Variants in UGT2B10 observed in about 807,000 individuals in gnomAD.
The protein encoded by UGT2B10 is UDP glucuronosyltransferase family 2 member B10, also known as UDP-glucuronosyltransferase 2B10.
Under a neutral mutation model 43.7 loss-of-function variants are expected in UGT2B10, and 51 were observed. The observed-to-expected ratio is 1.17, with a 90% CI of 0.93 to 1.47. The LOEUF (loss-of-function observed/expected upper bound fraction) is 1.47, where lower values mean the gene tolerates loss of function less well. Among genes scored for constraint, UGT2B10 ranks in the 40% most tolerant of loss-of-function variants. The pLI is 0.00. For missense variants in UGT2B10, 696 were observed against 617.7 expected (o/e 1.13, Z -1.34); for synonymous variants, 225 against 209.0 (o/e 1.08, Z -0.66).
chr4:68,830,937 C>T lies in UGT2B10; in HGVS notation c.*58C>T, dbSNP rs969307804. 46 of 1,544,740 alleles carry T rather than the reference C, an allele frequency of 3.0e-5. No homozygotes were observed. In the African/African-American group the frequency reaches 6.1e-4, roughly 20 times the overall value. On this transcript the variant is annotated 3_prime_UTR_variant, in exon 6 of 6. Transcript: ENST00000265403. ...TAGATAGGAATACTTCAGTTGATTC[C>T]AGCAATAAATATTGTGATGCAAGAT...
In UGT2B10 at chr4:68,827,636, A is replaced by T. The variant is rs1279048288; in HGVS notation, c.1307+88A>T. 5.8e-6 allele frequency: 9 copies of T among 1,545,792 alleles called. No homozygotes were observed. The African/African-American group carries it at 1.2e-4, about 21-fold the overall frequency. On this transcript the variant is annotated intron_variant, in intron 5 of 5. Transcript: ENST00000265403. ...GCATGAGTTTCATCCTTTTTATAAG[A>T]GAGTGATTTTGAAAGAATTTAAATG... is the stretch of plus-strand genomic sequence containing the variant.
At position 68,830,736 on chromosome 4, in the gene UGT2B10, C is replaced by G. The variant is rs1189831943; in HGVS notation, c.1444C>G (p.Leu482Val). The stretch of plus-strand genomic sequence containing the variant: ...ACATCTTCGAGTTGCAGCCCACAAC[C>G]TCACCTGGTTCCAGTACCACTCTTT... Reference protein sequence around the residue: ...AKHLRVAAHNLTWFQYHSLDV... With the variant: ...AKHLRVAAHNVTWFQYHSLDV... Residue 482 changes from leucine to valine, a missense_variant, in exon 6 of 6, where the codon CTC becomes GTC. Coordinates refer to ENST00000265403, the MANE Select transcript of UGT2B10 (RefSeq NM_001075.6). The G allele has an allele frequency of 6.2e-7, 1 of 1,613,492 alleles. No homozygotes were observed. The highest frequency in any genetic ancestry group is 8.5e-7 in the Non-Finnish European group (1 of 1,179,562).
Position 68,830,600 on chromosome 4 carries a change from A to C in UGT2B10, c.1308A>C (p.Ser436=). The C allele has an allele frequency of 6.2e-7, 1 of 1,610,754 alleles. No individual in the cohort carries two copies. Among genetic ancestry groups the C allele is most frequent in the African/African-American group, 1.3e-5 (1 of 74,782 alleles). The part of the protein sequence containing the change: ...NALKTVINDP[S]YKENIMKLSR... Reference sequence around the variant, plus strand: ...CGGTATCTTTATTTTTATCCTTCAGATATAAAGAGAATATTATGAAATTAT... The same window carrying C: ...CGGTATCTTTATTTTTATCCTTCAGCTATAAAGAGAATATTATGAAATTAT... The change falls in exon 6 of 6, where the codon TCA becomes TCC. Residue 436 remains serine (S), a splice_region_variant and synonymous_variant. Transcript: ENST00000265403.
At position 68,820,276 on chromosome 4, in the gene UGT2B10, T is replaced by C. The variant is rs541448154; in HGVS notation, c.868-1995T>C. On this transcript the variant is annotated intron_variant, in intron 2 of 5. Coordinates refer to ENST00000265403, the MANE Select transcript of UGT2B10 (RefSeq NM_001075.6). Reference sequence around the variant, plus strand: ...AAACCAGTTCTTTAATTGTTTATTATGTAAAATATTTGCTAAGCCAGGTTG... The same window carrying C: ...AAACCAGTTCTTTAATTGTTTATTACGTAAAATATTTGCTAAGCCAGGTTG... Among the ~76,000 whole-genome samples the C allele has an allele frequency of 9.9e-5, 15 of 152,222 alleles. 2 individuals are homozygous for C. The highest frequency in any genetic ancestry group is 8.5e-4 in the Admixed American group (13 of 15,254).
At position 68,831,068 on chromosome 4, in the gene UGT2B10, T is replaced by G; in HGVS notation, c.*189T>G. On this transcript the variant is annotated 3_prime_UTR_variant, in exon 6 of 6. Transcript: ENST00000265403. ...CCAGTTAATGGTTAGAAATATTCTGTGGCAATGAAGAAAACACTAGGGGAA... is the reference window on the plus strand; with the variant it reads ...CCAGTTAATGGTTAGAAATATTCTGGGGCAATGAAGAAAACACTAGGGGAA... The G allele has an allele frequency of 1.4e-6, 1 of 730,814 alleles. No homozygotes were observed. Among genetic ancestry groups the G allele is most frequent in the South Asian group, 2.2e-5 (1 of 45,538 alleles). The allele number at this position is 730,814 out of a possible 1,614,324, so 45.3% of individuals were successfully genotyped here. A position where few individuals can be genotyped will look rare whatever the true frequency, so the allele number is the denominator to read the frequency against.
chr4:68,830,616 A>G lies in UGT2B10; in HGVS notation c.1324A>G (p.Met442Val), dbSNP rs1471412185. ...INDPSYKENIMKLSRIQHDQP... is the reference protein window; with the variant it reads ...INDPSYKENIVKLSRIQHDQP... ...ATCCTTCAGATATAAAGAGAATATT[A>G]TGAAATTATCAAGAATTCAACATGA... The change falls in exon 6 of 6, where the codon ATG (methionine) becomes GTG (valine). Residue 442 changes from methionine (M) to valine (V), a missense_variant. By Grantham distance (21) the Met-to-Val change is conservative (BLOSUM62 1). Transcript: ENST00000265403. The G allele has an allele frequency of 3.7e-6, 6 of 1,612,332 alleles. No individual in the cohort carries two copies. The Admixed American group carries it at 6.7e-5, about 18-fold the overall frequency.
Position 68,832,018 on chromosome 4 carries a change from A to G in UGT2B10, c.*1139A>G, listed in dbSNP as rs2109710735. Reference sequence around the variant, plus strand: ...TTATCCTTAATAAAGTCTCTATACTAAAGAAGAATCTAATGAAAAATATCA... The same window carrying G: ...TTATCCTTAATAAAGTCTCTATACTGAAGAAGAATCTAATGAAAAATATCA... On this transcript the variant is annotated 3_prime_UTR_variant, in exon 6 of 6. Transcript: ENST00000265403. Among the ~76,000 whole-genome samples, 1 of 152,216 alleles carries G rather than the reference A, an allele frequency of 6.6e-6. No homozygotes were observed. Among genetic ancestry groups the G allele is most frequent in the Admixed American group, 6.6e-5 (1 of 15,260 alleles).
chr4:68,824,125 A>G (rs923407779), intron 3 of UGT2B10, among the ~76,000 whole-genome samples: 8 of 152,238 alleles, frequency 5.3e-5, no homozygotes, highest in African/African-American at 1.9e-4. Context: ...CCAGCCTCAG[A>G]TACTTCCTCT....
chr4:68,829,384 A>G (rs1737967734), intron 5 of UGT2B10, among the ~76,000 whole-genome samples: 2 of 152,104 alleles, frequency 1.3e-5, no homozygotes, highest in Admixed American at 6.6e-5. Context: ...CTGTACCATG[A>G]ACTGAACAAT....
At chr4:68,821,721 A>G in intron 2 of UGT2B10, among the ~76,000 whole-genome samples, 1 of 152,266 alleles carries the variant, frequency 6.6e-6, no homozygotes, top group East Asian at 1.9e-4. Flanking sequence ...AAGTGAAGCA[A>G]AAAGCATTGT....
chr4:68,822,186 C>T (rs1437138984), intron 2 of UGT2B10, 85 bp from the exon 3 acceptor site: 1 of 1,550,962 alleles, frequency 6.4e-7, no homozygotes, highest in Non-Finnish European at 8.7e-7. Flanking sequence ...GATTTTCTCT[C>T]TTTAATATTT....
chr4:68,821,478 A>G (rs539845889), intron 2 of UGT2B10, among the ~76,000 whole-genome samples: 1 of 152,152 alleles, frequency 6.6e-6, no homozygotes, highest in African/African-American at 2.4e-5. Context: ...TCAATTTAAC[A>G]GTGTGATTTC....
chr4:68,820,817 A>G (rs546403157), intron 2 of UGT2B10, among the ~76,000 whole-genome samples: 1 of 152,086 alleles, frequency 6.6e-6, no homozygotes, highest in South Asian at 2.1e-4. Flanking sequence ...TTTTTAAAAA[A>G]CTTTTCTTAC....
intron 2 of UGT2B10, 55 bp from the exon 3 acceptor site, chr4:68,822,216 G>A: frequency 6.3e-7 from 1 of 1,585,906 alleles, no homozygotes; most frequent in Non-Finnish European, 8.5e-7. Flanking sequence ...TCTTTCGGTA[G>A]TGCCTGCTGT....
intron 5 of UGT2B10, among the ~76,000 whole-genome samples, chr4:68,829,095 T>C (rs1430043717): frequency 2.0e-5 from 3 of 151,958 alleles, no homozygotes; most frequent in African/African-American, 7.2e-5. Context: ...TTATCAACAG[T>C]GTCCAAAAAG....
intron 2 of UGT2B10, among the ~76,000 whole-genome samples, chr4:68,822,047 T>C (rs1320572587): frequency 3.9e-5 from 6 of 152,094 alleles, no homozygotes; most frequent in Non-Finnish European, 8.8e-5. Flanking sequence ...GACACATACC[T>C]ACATACACAC....
At chr4:68,820,948 A>G (rs1397804962) in intron 2 of UGT2B10, among the ~76,000 whole-genome samples, 2 of 152,146 alleles carry the variant, frequency 1.3e-5, no homozygotes, top group Admixed American at 6.6e-5. Context: ...TCAACACTGC[A>G]TAGAAAAACA....
intron 5 of UGT2B10, among the ~76,000 whole-genome samples, chr4:68,827,896 C>T (rs965266194): frequency 2.6e-5 from 4 of 151,246 alleles, no homozygotes; most frequent in Admixed American, 2.0e-4. Flanking sequence ...AATTAAATAT[C>T]TAAAATGTCT....
Position 68,816,072 on chromosome 4 carries a change from G to C in UGT2B10, c.53G>C (p.Ser18Thr). ...VLLIQLSFYFSSGSCGKVLVW... is the reference protein window; with the variant it reads ...VLLIQLSFYFTSGSCGKVLVW... ...CTGATACAACTCAGTTTTTACTTTAGCTCTGGGAGTTGTGGAAAGGTGCTG... is the reference window on the plus strand; with the variant it reads ...CTGATACAACTCAGTTTTTACTTTACCTCTGGGAGTTGTGGAAAGGTGCTG... Residue 18 changes from serine (S) to threonine (T), a missense_variant, in exon 1 of 6, where the codon AGC becomes ACC. Coordinates refer to ENST00000265403, the MANE Select transcript of UGT2B10 (RefSeq NM_001075.6). The C allele has an allele frequency of 1.9e-6, 3 of 1,613,070 alleles. No homozygotes were observed. The South Asian group carries it at 3.3e-5, about 18-fold the overall frequency.
Sources: gnomAD v4.1 joint callset for allele counts (sites outside exome capture counted in the v4.1 genomes callset) on GRCh38, gnomAD v4.1.1 for gene constraint, MANE v1.5 for transcripts, NCBI Gene and HGNC (gene_info 2026-07-23, HGNC 2026-07-21) for gene names.